Variants in SYN3 observed in about 807,000 individuals in gnomAD.
The protein encoded by SYN3 is synapsin-3.
Under a neutral mutation model 65.8 loss-of-function variants are expected in SYN3, and 35 were observed. That is an observed-to-expected ratio of 0.53 (90% confidence interval 0.41 to 0.70). The LOEUF (loss-of-function observed/expected upper bound fraction) is 0.70, where lower values mean the gene tolerates loss of function less well. Ranked by LOEUF, SYN3 falls within the 30% of genes least tolerant of loss-of-function variation. The pLI is 0.00. For synonymous variants in SYN3, 270 were observed against 292.9 expected (o/e 0.92, Z 0.80); for missense variants, 680 against 749.0 (o/e 0.91, Z 1.08).
At chr22:32,917,852 C>A (rs973508754) in intron 4 of SYN3, among the ~76,000 whole-genome samples, 1 of 152,258 alleles carries the variant, frequency 6.6e-6, no homozygotes, top group African/African-American at 2.4e-5. Context: ...CTTTCTTGTG[C>A]TGCTCTCTTC....
intron 7 of SYN3, among the ~76,000 whole-genome samples, chr22:32,564,206 A>G (rs1390090871): frequency 6.6e-6 from 1 of 152,154 alleles, no homozygotes; most frequent in Non-Finnish European, 1.5e-5. Context: ...TGAGGGCCCA[A>G]AGGGGAGCCA....
chr22:32,990,469 CACCCATCT>C (rs2052681489), intron 2 of SYN3, among the ~76,000 whole-genome samples: 1 of 151,988 alleles, frequency 6.6e-6, no homozygotes, highest in Non-Finnish European at 1.5e-5. Flanking sequence ...CCCACCTACC[CACCCATCT>C]ACCCATCCAT....
At chr22:32,851,336 T>C (rs556159984) in intron 6 of SYN3, among the ~76,000 whole-genome samples, 4 of 152,262 alleles carry the variant, frequency 2.6e-5, no homozygotes, top group Admixed American at 2.0e-4. Flanking sequence ...CCTGGTTTCC[T>C]TCCTACCATC....
At chr22:32,616,682 C>T (rs550906119) in intron 6 of SYN3, among the ~76,000 whole-genome samples, 1 of 152,146 alleles carries the variant, frequency 6.6e-6, no homozygotes, top group East Asian at 1.9e-4. Context: ...CGAAGGGTTC[C>T]CAGGCTGGTG....
intron 6 of SYN3, among the ~76,000 whole-genome samples, chr22:32,681,647 C>A (rs2060524280): frequency 6.6e-6 from 1 of 152,212 alleles, no homozygotes; most frequent in Non-Finnish European, 1.5e-5. Flanking sequence ...CTGACTCAAT[C>A]CACCATTCAC....
intron 8 of SYN3, among the ~76,000 whole-genome samples, chr22:32,541,215 A>C (rs1325000875): frequency 6.6e-6 from 1 of 152,176 alleles, no homozygotes; most frequent in African/African-American, 2.4e-5. Flanking sequence ...TTTGCTCAGA[A>C]GAGAAGAGAA....
chr22:32,637,429 C>A (rs2059831535), intron 6 of SYN3, among the ~76,000 whole-genome samples: 1 of 152,082 alleles, frequency 6.6e-6, no homozygotes, highest in Non-Finnish European at 1.5e-5. Context: ...CAGGTATTAT[C>A]ATTAATTTCC....
intron 6 of SYN3, among the ~76,000 whole-genome samples, chr22:32,781,038 C>A (rs564955516): frequency 1.4e-5 from 2 of 139,878 alleles, no homozygotes; most frequent in South Asian, 4.8e-4. Flanking sequence ...TTTTTTCTTT[C>A]TTTCCCCTCC....
intron 7 of SYN3, among the ~76,000 whole-genome samples, chr22:32,586,268 T>C (rs2059041095): frequency 6.6e-6 from 1 of 152,106 alleles, no homozygotes; most frequent in Non-Finnish European, 1.5e-5. Flanking sequence ...ACTGACCCAT[T>C]GCTCCTAGGA....
intron 7 of SYN3, among the ~76,000 whole-genome samples, chr22:32,573,686 C>T (rs1018346970): frequency 2.0e-5 from 3 of 151,718 alleles, no homozygotes; most frequent in African/African-American, 7.3e-5. Context: ...ACACAGCAGC[C>T]CCCGAGAGGA....
chr22:32,876,267 G>A (rs1323078497), intron 4 of SYN3, among the ~76,000 whole-genome samples: 1 of 152,036 alleles, frequency 6.6e-6, no homozygotes, highest in African/African-American at 2.4e-5. Flanking sequence ...CATTCATTAG[G>A]GCTGATGACT....
intron 6 of SYN3, among the ~76,000 whole-genome samples, chr22:32,675,177 G>A (rs1187913883): frequency 2.0e-5 from 3 of 152,182 alleles, no homozygotes; most frequent in Admixed American, 6.5e-5. Flanking sequence ...GAGTCCAAAT[G>A]GGCCGGAGAA....
At chr22:33,031,706 C>T (rs1287716087) in intron 1 of SYN3, among the ~76,000 whole-genome samples, 2 of 152,040 alleles carry the variant, frequency 1.3e-5, no homozygotes, top group African/African-American at 4.8e-5. Flanking sequence ...CCCCAGCACC[C>T]CTGTCCCCCA....
At chr22:32,962,620 T>C (rs1470243064) in intron 3 of SYN3, among the ~76,000 whole-genome samples, 3 of 152,136 alleles carry the variant, frequency 2.0e-5, no homozygotes, top group African/African-American at 7.2e-5. Flanking sequence ...CATGGGCAGC[T>C]TGGGAGCCAG....
chr22:32,948,223 T>G (rs2051172074), intron 3 of SYN3, among the ~76,000 whole-genome samples: 1 of 152,220 alleles, frequency 6.6e-6, no homozygotes, highest in South Asian at 2.1e-4. Context: ...TCTCCTGTCT[T>G]AAGGTCCATA....
chr22:32,510,132 C>T lies in SYN3; in HGVS notation c.*3560G>A, dbSNP rs2057675312. 6.6e-6 allele frequency among the ~76,000 whole-genome samples: 1 copy of T among 152,200 alleles called. No individual in the cohort carries two copies. The highest frequency in any genetic ancestry group is 2.4e-5 in the African/African-American group (1 of 41,450). On this transcript the variant is annotated 3_prime_UTR_variant, in exon 14 of 14. Transcript: ENST00000358763. The stretch of plus-strand genomic sequence containing the variant: ...TGTTCACGGGGCCACTAGTTTCACT[C>T]ACTAAAGGAGTGGGTTCGTAGCTGC...
chr22:32,649,470 T>C (rs1482514878), intron 6 of SYN3, among the ~76,000 whole-genome samples: 1 of 152,216 alleles, frequency 6.6e-6, no homozygotes, highest in Non-Finnish European at 1.5e-5. Flanking sequence ...CATTTACTAA[T>C]GAGGAAATTG....
chr22:33,046,485 C>T (rs552321635), intron 1 of SYN3, among the ~76,000 whole-genome samples: 1 of 152,144 alleles, frequency 6.6e-6, no homozygotes, highest in Admixed American at 6.5e-5. Flanking sequence ...TTTGGGAGGC[C>T]GAGGCAGGCG....
intron 3 of SYN3, among the ~76,000 whole-genome samples, chr22:32,942,008 C>T (rs941896217): frequency 6.6e-6 from 1 of 152,218 alleles, no homozygotes; most frequent in Non-Finnish European, 1.5e-5. Context: ...TCTGTAGACT[C>T]CACCTCTGGG....
Sources: allele counts gnomAD v4.1 joint callset (sites outside exome capture counted in the v4.1 genomes callset), GRCh38; gene constraint gnomAD v4.1.1; transcripts MANE v1.5; gene names NCBI Gene and HGNC (gene_info 2026-07-23, HGNC 2026-07-21).